Variants in NPC1 observed in about 807,000 individuals in gnomAD.
NPC1 encodes NPC intracellular cholesterol transporter 1.
A neutral mutation model predicts 140.4 loss-of-function variants in NPC1; 85 were observed. The observed-to-expected ratio is 0.61, with a 90% CI of 0.51 to 0.72. The LOEUF is 0.72. Ranked by LOEUF, NPC1 falls within the 30% of genes least tolerant of loss-of-function variation. The pLI, the probability that NPC1 is intolerant of heterozygous loss-of-function variation, is 0.00. For missense variants in NPC1, 1,504 were observed against 1,623.8 expected, an observed-to-expected ratio of 0.93 and a Z score of 1.27; for synonymous variants, 656 against 624.8, an observed-to-expected ratio of 1.05 and a Z score of -0.74.
intron 5 of NPC1, 78 bp from the exon 6 acceptor site, chr18:23,560,558 A>G: frequency 3.5e-6 from 5 of 1,442,808 alleles, no homozygotes; most frequent in Non-Finnish European, 4.8e-6. Context: ...AACTCAAAGA[A>G]AAGCCCACTG....
At chr18:23,534,585 T>TG in intron 22 of NPC1, 26 bp from the exon 23 acceptor site, 1 of 1,577,080 alleles carries the variant, frequency 6.3e-7, no homozygotes, top group Middle Eastern at 1.7e-4. Flanking sequence ...TCCTTTAGGA[T>TG]GGCTCTCTTC....
At chr18:23,533,248 A>G (rs1462874088) in intron 24 of NPC1, 107 bp downstream of exon 24, 12 of 1,195,654 alleles carry the variant, frequency 1.0e-5, no homozygotes, top group African/African-American at 1.5e-5. Flanking sequence ...TCATTATCAA[A>G]TGACCATTAG....
At chr18:23,566,716 G>A (rs1376474763) in intron 4 of NPC1, among the ~76,000 whole-genome samples, 2 of 152,116 alleles carry the variant, frequency 1.3e-5, no homozygotes, top group Non-Finnish European at 2.9e-5. Flanking sequence ...TCCCATGCAT[G>A]TTTGTGTACT....
In NPC1 at chr18:23,560,368, G is replaced by A. The variant is rs766556966; in HGVS notation, c.744C>T (p.Gly248=). The part of the protein sequence containing the change: ...CSCQDCSIVC[G]PKPQPPPPPA... ...GAGGAGGTGGGGGCTGGGGCTTGGGGCCACAGACAATAGAGCAGTCTTGGC... is the reference window on the plus strand; with the variant it reads ...GAGGAGGTGGGGGCTGGGGCTTGGGACCACAGACAATAGAGCAGTCTTGGC... Residue 248 remains glycine (G), a synonymous_variant, in exon 6 of 25, where the codon GGC becomes GGT. Transcript: ENST00000269228. The A allele has an allele frequency of 1.2e-6, 2 of 1,614,078 alleles. No homozygotes were observed. Among genetic ancestry groups the A allele is most frequent in the East Asian group, 4.5e-5 (2 of 44,904 alleles).
chr18:23,519,224 G>T (rs1213384534), downstream of NPC1: 3 of 1,528,302 alleles, frequency 2.0e-6, no homozygotes, highest in African/African-American at 4.1e-5. Flanking sequence ...TAAAAGCCTT[G>T]TGAAAATTGG....
intron 20 of NPC1, 140 bp from the exon 21 acceptor site, chr18:23,537,016 GC>G: frequency 1.4e-6 from 1 of 720,358 alleles, no homozygotes; most frequent in Admixed American, 2.0e-5. Context: ...GATGAAGAAG[GC>G]CCCCAGATAA....
In NPC1 at chr18:23,544,331, T is replaced by C. The variant is rs748156837; in HGVS notation, c.2130+13A>G. On this transcript the variant is annotated intron_variant, in intron 13 of 24. Coordinates refer to ENST00000269228, the MANE Select transcript of NPC1 (RefSeq NM_000271.5). ...GAACAGATGCTGAGCCCTGTGAGAATATGGAAGTATACCTGGTAGGCCTGC... is the reference window on the plus strand; with the variant it reads ...GAACAGATGCTGAGCCCTGTGAGAACATGGAAGTATACCTGGTAGGCCTGC... The C allele has an allele frequency of 3.1e-6, 5 of 1,613,294 alleles. No homozygotes were observed. The African/African-American group carries it at 6.7e-5, about 22-fold the overall frequency.
chr18:23,539,263 G>C, intron 19 of NPC1, 92 bp downstream of exon 19: 1 of 810,968 alleles, frequency 1.2e-6, no homozygotes, highest in Non-Finnish European at 2.1e-6. Context: ...TATACAAATA[G>C]GTATAAACTG....
chr18:23,545,344 G>C (rs1415529457), intron 11 of NPC1, among the ~76,000 whole-genome samples, 195 bp from the exon 12 acceptor site: 1 of 152,282 alleles, frequency 6.6e-6, no homozygotes, highest in East Asian at 1.9e-4. Context: ...CCGGGTTTGA[G>C]TGCTTCTCCT....
rs958259887 is a variant in NPC1, at chr18:23,531,556, TA to T, written c.*645del. The stretch of plus-strand genomic sequence containing the variant: ...TAAGTTAAAACCCAGTAGACACACC[TA>T]CGAGATGCTTTCTTTGTCCCTCATT... On this transcript the variant is annotated 3_prime_UTR_variant, in exon 25 of 25. Coordinates refer to ENST00000269228, the MANE Select transcript of NPC1 (RefSeq NM_000271.5). 5 of 1,584,654 alleles carry T rather than the reference TA, an allele frequency of 3.2e-6. No individual in the cohort carries two copies. Among genetic ancestry groups the T allele is most frequent in the Non-Finnish European group, 4.3e-6 (5 of 1,168,750 alleles).
intron 4 of NPC1, among the ~76,000 whole-genome samples, chr18:23,566,337 T>C (rs1312600136): frequency 2.0e-5 from 3 of 152,214 alleles, no homozygotes; most frequent in Non-Finnish European, 4.4e-5. Flanking sequence ...TGAGCCATGA[T>C]TGCATCACTG....
At chr18:23,540,072 G>T in intron 17 of NPC1, 71 bp from the exon 18 acceptor site, 1 of 1,335,940 alleles carries the variant, frequency 7.5e-7, no homozygotes, top group Non-Finnish European at 1.1e-6. Flanking sequence ...CGAGGATCAT[G>T]GAGAATAAGA....
intron 4 of NPC1, among the ~76,000 whole-genome samples, chr18:23,563,562 C>T (rs1002011497): frequency 2.0e-5 from 3 of 152,190 alleles, no homozygotes; most frequent in Non-Finnish European, 2.9e-5. Flanking sequence ...GCTGGGACTA[C>T]AGATGTGCAC....
downstream of NPC1, among the ~76,000 whole-genome samples, chr18:23,526,239 A>G (rs1002601400): frequency 4.6e-5 from 7 of 152,250 alleles, no homozygotes; most frequent in African/African-American, 1.7e-4. Flanking sequence ...GAGCTGTTGT[A>G]GGAGAAACCA....
intron 17 of NPC1, 46 bp from the exon 18 acceptor site, chr18:23,540,047 A>G (rs372589931): frequency 1.3e-5 from 20 of 1,497,792 alleles, no homozygotes; most frequent in Non-Finnish European, 1.8e-5. Flanking sequence ...ACACTCTGAT[A>G]GTAACTAAGC....
chr18:23,521,560 G>T (rs2058141142), downstream of NPC1, among the ~76,000 whole-genome samples: 1 of 152,202 alleles, frequency 6.6e-6, no homozygotes, highest in African/African-American at 2.4e-5. Context: ...GAGAGGTGGG[G>T]TTGGGAAGTC....
At chr18:23,572,786 T>C (rs1380417368) in intron 2 of NPC1, among the ~76,000 whole-genome samples, 1 of 152,206 alleles carries the variant, frequency 6.6e-6, no homozygotes, top group African/African-American at 2.4e-5. Flanking sequence ...TGAGCCGTGA[T>C]TGTGCCACTG....
intron 19 of NPC1, chr18:23,538,890 T>C: frequency 1.7e-6 from 1 of 574,430 alleles, no homozygotes; most frequent in Non-Finnish European, 3.1e-6. Flanking sequence ...AGGCATACTA[T>C]GCATCATTTT....
At chr18:23,550,479 C>CTTCTTTTTTT (rs746388624) in intron 10 of NPC1, among the ~76,000 whole-genome samples, 3 of 74,922 alleles carry the variant, frequency 4.0e-5, no homozygotes, top group African/African-American at 1.9e-4. Context: ...TCTTACATTT[C>CTTCTTTTTTT]TTTTTTTTTT....
Sources: allele counts gnomAD v4.1 joint callset (sites outside exome capture counted in the v4.1 genomes callset), GRCh38; gene constraint gnomAD v4.1.1; transcripts MANE v1.5; gene names NCBI Gene and HGNC (gene_info 2026-07-23, HGNC 2026-07-21).